SOX5: variants seen among roughly 807,000 people sequenced by gnomAD.
SOX5 encodes transcription factor SOX-5.
In SOX5, 9 loss-of-function variants were observed where a neutral mutation model predicts 92.0. That is an observed-to-expected ratio of 0.10 (90% confidence interval 0.06 to 0.17). SOX5 has a LOEUF of 0.17. Among genes scored for constraint, SOX5 ranks in the 10% least tolerant of loss-of-function variants. The probability of loss-of-function intolerance (pLI) is 1.00; values close to 1 mark genes in which losing one functional copy is unlikely to be tolerated. For synonymous variants in SOX5, 344 were observed against 336.3 expected (o/e 1.02, Z -0.25); for missense variants, 642 against 944.5 (o/e 0.68, Z 4.20).
At chr12:23,989,084 G>A (rs1371778569) in intron 4 of SOX5, among the ~76,000 whole-genome samples, 3 of 151,912 alleles carry the variant, frequency 2.0e-5, no homozygotes, top group Non-Finnish European at 4.4e-5. Context: ...ATGTGAATAA[G>A]TGGCTTAGGC....
intron 4 of SOX5, among the ~76,000 whole-genome samples, chr12:23,966,818 G>T (rs1040522085): frequency 7.2e-5 from 11 of 152,158 alleles, no homozygotes; most frequent in African/African-American, 2.7e-4. Flanking sequence ...AACGTAATAT[G>T]TATTCACAGT....
At chr12:23,748,889 G>A (rs1439185660) in intron 4 of SOX5, among the ~76,000 whole-genome samples, 1 of 151,866 alleles carries the variant, frequency 6.6e-6, no homozygotes, top group Non-Finnish European at 1.5e-5. Flanking sequence ...AGCTCTAGGA[G>A]GGCAGGAATC....
chr12:23,944,029 T>C (rs893217248), intron 1 of SOX5: 2 of 152,098 alleles, frequency 1.3e-5, no homozygotes, highest in African/African-American at 2.4e-5. Flanking sequence ...TGGGTTCATA[T>C]TTGGGTTTTT....
chr12:24,527,398 T>A (rs922299952), intron 1 of SOX5, among the ~76,000 whole-genome samples: 1 of 152,232 alleles, frequency 6.6e-6, no homozygotes, highest in African/African-American at 2.4e-5. Context: ...ATATGTTTGT[T>A]ATTACCACTT....
At chr12:24,455,657 G>C (rs1942925726) in intron 1 of SOX5, among the ~76,000 whole-genome samples, 1 of 152,202 alleles carries the variant, frequency 6.6e-6, no homozygotes, top group Non-Finnish European at 1.5e-5. Flanking sequence ...CCCTGAAAGT[G>C]ATAGCATTCC....
intron 14 of SOX5, 95 bp downstream of exon 14, chr12:23,536,357 CA>C: frequency 1.0e-6 from 1 of 972,710 alleles, no homozygotes; most frequent in Non-Finnish European, 1.6e-6. Flanking sequence ...GATTCTTTTT[CA>C]AAATGTCTTT....
intron 3 of SOX5, among the ~76,000 whole-genome samples, chr12:24,236,421 G>A (rs1352684578): frequency 6.6e-6 from 1 of 152,134 alleles, no homozygotes; most frequent in African/African-American, 2.4e-5. Context: ...GAGAAACTGT[G>A]AAGATGAAAT....
intron 2 of SOX5, among the ~76,000 whole-genome samples, chr12:23,872,564 G>C (rs1297333417): frequency 6.6e-6 from 1 of 152,032 alleles, no homozygotes; most frequent in Non-Finnish European, 1.5e-5. Context: ...GTAGACACTG[G>C]CAGTAAAAAT....
chr12:23,886,360 T>C (rs991279454), intron 2 of SOX5, among the ~76,000 whole-genome samples: 1 of 152,176 alleles, frequency 6.6e-6, no homozygotes, highest in African/African-American at 2.4e-5. Flanking sequence ...TAGGTTGTTA[T>C]ACAAAGATCC....
chr12:23,659,984 A>C (rs1265465195), intron 7 of SOX5, among the ~76,000 whole-genome samples: 2 of 152,084 alleles, frequency 1.3e-5, no homozygotes, highest in African/African-American at 4.8e-5. Context: ...GAAAAGAAAA[A>C]GTTTAAAACT....
At chr12:23,675,757 C>A (rs907910480) in intron 6 of SOX5, among the ~76,000 whole-genome samples, 4 of 151,994 alleles carry the variant, frequency 2.6e-5, no homozygotes, top group Non-Finnish European at 4.4e-5. Context: ...GAAAAGATAG[C>A]CTATGTATTG....
At chr12:24,012,506 T>G (rs768864302) in intron 4 of SOX5, among the ~76,000 whole-genome samples, 14 of 152,194 alleles carry the variant, frequency 9.2e-5, no homozygotes, top group Non-Finnish European at 2.1e-4. Context: ...TAGATAATTT[T>G]AAAGTGAAGG....
At chr12:24,307,404 G>A (rs1948685385) in intron 2 of SOX5, among the ~76,000 whole-genome samples, 1 of 151,680 alleles carries the variant, frequency 6.6e-6, no homozygotes, top group African/African-American at 2.4e-5. Flanking sequence ...GAAGAACTGG[G>A]ATCTGGCAGA....
chr12:23,944,434 A>G (rs2139648653), intron 1 of SOX5: 1 of 152,268 alleles, frequency 6.6e-6, no homozygotes, highest in East Asian at 1.9e-4. Context: ...TGAACTCTCA[A>G]TTAGTAAGTA....
intron 1 of SOX5, among the ~76,000 whole-genome samples, chr12:24,541,853 T>A (rs2138813743): frequency 6.6e-6 from 1 of 152,270 alleles, no homozygotes; most frequent in Admixed American, 6.5e-5. Flanking sequence ...AAATTTAAAC[T>A]ACGATAAATT....
At chr12:23,548,560 T>C (rs1418561721) in intron 11 of SOX5, among the ~76,000 whole-genome samples, 1 of 152,010 alleles carries the variant, frequency 6.6e-6, no homozygotes, top group Non-Finnish European at 1.5e-5. Flanking sequence ...GGAAAGGTGA[T>C]TGCAGGAAAT....
At chr12:24,156,279 A>C (rs551096078) in intron 4 of SOX5, among the ~76,000 whole-genome samples, 39 of 152,182 alleles carry the variant, frequency 2.6e-4, no homozygotes, top group Non-Finnish European at 3.1e-4. Flanking sequence ...TCAAGACTAC[A>C]TCAGGACTTC....
At chr12:24,537,655 A>T (rs906406482) in intron 1 of SOX5, among the ~76,000 whole-genome samples, 14 of 152,240 alleles carry the variant, frequency 9.2e-5, no homozygotes, top group Admixed American at 8.5e-4. Context: ...TCTGAATGCC[A>T]GCTACTGAGA....
chr12:24,460,946 G>T (rs1238401607), intron 1 of SOX5, among the ~76,000 whole-genome samples: 1 of 152,110 alleles, frequency 6.6e-6, no homozygotes, highest in African/African-American at 2.4e-5. Context: ...GAATTGGTTT[G>T]CTCTTGCAGA....
Sources: gnomAD v4.1 joint callset for allele counts (sites outside exome capture counted in the v4.1 genomes callset) on GRCh38, gnomAD v4.1.1 for gene constraint, MANE v1.5 for transcripts, NCBI Gene and HGNC (gene_info 2026-07-23, HGNC 2026-07-21) for gene names.